Variants in MYCBP2 observed in about 807,000 individuals in gnomAD.
MYCBP2 encodes the protein E3 ubiquitin-protein ligase MYCBP2.
A neutral mutation model predicts 525.3 loss-of-function variants in MYCBP2; 120 were observed. The ratio of observed to expected loss-of-function variants is 0.23; its 90% CI spans 0.20 to 0.27. The LOEUF is 0.27. Ranked by LOEUF, MYCBP2 falls within the 10% of genes least tolerant of loss-of-function variation. MYCBP2 has a pLI of 1.00. For missense variants in MYCBP2, 4,149 were observed against 5,657.1 expected, an observed-to-expected ratio of 0.73 and a Z score of 8.55; for synonymous variants, 1,894 against 1,955.8, an observed-to-expected ratio of 0.97 and a Z score of 0.83.
chr13:77,090,381 C>A, intron 59 of MYCBP2, 118 bp from the exon 60 acceptor site: 1 of 721,506 alleles, frequency 1.4e-6, no homozygotes, highest in Non-Finnish European at 2.1e-6. Flanking sequence ...AAAATCAAAG[C>A]CAAATTGATA....
At chr13:77,161,089 G>T (rs1241209067) in intron 44 of MYCBP2, among the ~76,000 whole-genome samples, 3 of 152,094 alleles carry the variant, frequency 2.0e-5, no homozygotes, top group Non-Finnish European at 2.9e-5. Flanking sequence ...CTCAGTGTGT[G>T]GTATCCAATG....
At chr13:77,266,551 A>C (rs1020402703) in intron 8 of MYCBP2, among the ~76,000 whole-genome samples, 1 of 152,028 alleles carries the variant, frequency 6.6e-6, no homozygotes, top group African/African-American at 2.4e-5. Flanking sequence ...TAGTGTTTAT[A>C]TATGGGAAGT....
Position 77,168,657 on chromosome 13 carries a change from T to C in MYCBP2, c.5896-11A>G, listed in dbSNP as rs1251382802. 2 of 1,612,166 alleles carry C rather than the reference T, an allele frequency of 1.2e-6. No homozygotes were observed. The highest frequency in any genetic ancestry group is 2.7e-5 in the African/African-American group (2 of 74,890). ...GACTTCTACAGCCACCTAGTACACA[T>C]ATAAAAATATGGTTAAATGAGATAC... On this transcript the variant is annotated splice_polypyrimidine_tract_variant and intron_variant, in intron 39 of 82. Coordinates refer to ENST00000544440, the MANE Select transcript of MYCBP2 (RefSeq NM_015057.5).
chr13:77,044,916 A>C lies in MYCBP2; in HGVS notation c.*462T>G. 2.5e-6 allele frequency: 1 copy of C among 396,360 alleles called. No homozygotes were observed. The highest frequency in any genetic ancestry group is 4.4e-6 in the Non-Finnish European group (1 of 225,766). 24.6% of individuals were successfully genotyped at this position (396,360 alleles called of 1,614,324 possible). ...CTAACACAATGTTTTTTTTTTTTTT[A>C]AATAACAGTCTAGGAAATAAACCAG... is the stretch of plus-strand genomic sequence containing the variant. On this transcript the variant is annotated 3_prime_UTR_variant, in exon 83 of 83. Coordinates refer to ENST00000544440, the MANE Select transcript of MYCBP2 (RefSeq NM_015057.5).
At chr13:77,215,123 C>A (rs1047251773) in intron 21 of MYCBP2, among the ~76,000 whole-genome samples, 62 of 152,144 alleles carry the variant, frequency 4.1e-4, no homozygotes, top group Non-Finnish European at 3.1e-4. Flanking sequence ...CTTGAGTATA[C>A]AATTTTTGTA....
rs1204009187 is a variant in MYCBP2, at chr13:77,165,477, T to C, written c.6341-86A>G. On this transcript the variant is annotated intron_variant, in intron 41 of 82. Coordinates refer to ENST00000544440, the MANE Select transcript of MYCBP2 (RefSeq NM_015057.5). ...CTTTTATCCAATGGACTTTCTCTTT[T>C]ATCACAAGATAGGTAAAAACACAAA... 4 of 955,348 alleles carry C rather than the reference T, an allele frequency of 4.2e-6. No homozygotes were observed. In the African/African-American group the frequency reaches 5.0e-5, roughly 12 times the overall value. The allele number at this position is 955,348 out of a possible 1,614,324, so 59.2% of individuals were successfully genotyped here. A position where few individuals can be genotyped will look rare whatever the true frequency, so the allele number is the denominator to read the frequency against.
At chr13:77,204,648 C>T (rs1309482136) in intron 26 of MYCBP2, among the ~76,000 whole-genome samples, 9 of 129,658 alleles carry the variant, frequency 6.9e-5, no homozygotes, top group African/African-American at 2.3e-4. Flanking sequence ...GAAACCAACC[C>T]AAATGTCCAA....
In MYCBP2 at chr13:77,319,226, G is replaced by A. The variant is rs77822043; in HGVS notation, c.302+7248C>T. 1.3e-3 allele frequency among the ~76,000 whole-genome samples: 194 copies of A among 152,218 alleles called. 2 individuals are homozygous for A. In the East Asian group the frequency reaches 0.026, roughly 21 times the overall value. On this transcript the variant is annotated intron_variant, in intron 1 of 82. Transcript: ENST00000544440. The stretch of plus-strand genomic sequence containing the variant: ...GTTGGTTTGGTGATAGTCAGTAGGC[G>A]AGAGAGGAGGAGCTGGGGGTAAGAG...
At chr13:77,259,081 C>T (rs1347595245) in intron 13 of MYCBP2, among the ~76,000 whole-genome samples, 2 of 152,060 alleles carry the variant, frequency 1.3e-5, no homozygotes, top group South Asian at 2.1e-4. Flanking sequence ...ACAGTGAAAC[C>T]TCGTCTCTAC....
intron 43 of MYCBP2, 132 bp downstream of exon 43, chr13:77,164,319 TACA>T (rs2058290295): frequency 1.6e-6 from 1 of 631,232 alleles, no homozygotes; most frequent in African/African-American, 1.8e-5. Flanking sequence ...AAATTACCAG[TACA>T]TGAAGCAGTT....
In MYCBP2 at chr13:77,269,200, T is replaced by C. The variant is rs1028534759; in HGVS notation, c.1260+792A>G. 2.6e-5 allele frequency among the ~76,000 whole-genome samples: 4 copies of C among 152,222 alleles called. No individual in the cohort carries two copies. In the East Asian group the frequency reaches 7.7e-4, roughly 29 times the overall value. On this transcript the variant is annotated intron_variant, in intron 7 of 82. Coordinates refer to ENST00000544440, the MANE Select transcript of MYCBP2 (RefSeq NM_015057.5). ...CTTTTCTTTCTCTCTTGTGATTCTTTGCATATTCTTCATGCAGGTAGCTGT... is the reference window on the plus strand; with the variant it reads ...CTTTTCTTTCTCTCTTGTGATTCTTCGCATATTCTTCATGCAGGTAGCTGT...
In MYCBP2 at chr13:77,146,461, G is replaced by T. The variant is rs144565671; in HGVS notation, c.7132-244C>A. On this transcript the variant is annotated intron_variant, in intron 47 of 82. Transcript: ENST00000544440. Reference sequence around the variant, plus strand: ...AAGAAAAAAACAGATAACATCTTTTGAGTACATTAAAATTTTAAAGTTTTC... The same window carrying T: ...AAGAAAAAAACAGATAACATCTTTTTAGTACATTAAAATTTTAAAGTTTTC... Among the ~76,000 whole-genome samples the T allele has an allele frequency of 8.7e-4, 132 of 151,378 alleles. 3 individuals carry two copies. In the East Asian group the frequency reaches 0.025, roughly 28 times the overall value.
chr13:77,299,010 A>AT (rs35442398), intron 1 of MYCBP2, among the ~76,000 whole-genome samples: 87,592 of 151,966 alleles, frequency 0.58, 28,598 homozygotes, highest in Non-Finnish European at 0.74. Flanking sequence ...TCTTCATACT[A>AT]TTTAGGAAAC....
intron 20 of MYCBP2, among the ~76,000 whole-genome samples, chr13:77,218,354 T>G (rs1022545601): frequency 6.6e-6 from 1 of 152,156 alleles, no homozygotes; most frequent in African/African-American, 2.4e-5. Context: ...AGGAACTAGA[T>G]GAAATAATTT....
chr13:77,124,985 T>C (rs2051393258), intron 54 of MYCBP2, among the ~76,000 whole-genome samples: 2 of 152,182 alleles, frequency 1.3e-5, no homozygotes, highest in South Asian at 2.1e-4. Context: ...CTGAGATTGG[T>C]AGTTGGAATA....
Position 77,051,302 on chromosome 13 carries a change from T to G in MYCBP2, c.13756-140A>C, listed in dbSNP as rs545541332. On this transcript the variant is annotated intron_variant, in intron 81 of 82. Transcript: ENST00000544440. ...CTCTAAAAATTGATTGAAAAACTGA[T>G]GATACACATGTTTGAAAACTAACAA... is the stretch of plus-strand genomic sequence containing the variant. 2.5e-5 allele frequency: 17 copies of G among 681,594 alleles called. No homozygotes were observed. The African/African-American group carries it at 2.8e-4, about 11-fold the overall frequency. 42.2% of individuals were successfully genotyped at this position (681,594 alleles called of 1,614,324 possible).
chr13:77,279,059 T>A, intron 3 of MYCBP2, 148 bp from the exon 4 acceptor site: 3 of 460,524 alleles, frequency 6.5e-6, no homozygotes, highest in Non-Finnish European at 7.1e-6. Flanking sequence ...AAATGGCTTA[T>A]AACAATGAAC....
intron 21 of MYCBP2, among the ~76,000 whole-genome samples, chr13:77,216,458 T>C (rs1237398567): frequency 2.0e-5 from 3 of 152,192 alleles, no homozygotes; most frequent in Non-Finnish European, 4.4e-5. Flanking sequence ...AGGTTGCTTA[T>C]AGTTTCAAAG....
intron 5 of MYCBP2, among the ~76,000 whole-genome samples, chr13:77,271,669 T>C (rs1437559740): frequency 1.3e-5 from 2 of 152,184 alleles, no homozygotes; most frequent in Non-Finnish European, 2.9e-5. Flanking sequence ...CAAGCTCTCT[T>C]TGCCTGCTGC....
Sources: gnomAD v4.1 joint callset for allele counts (sites outside exome capture counted in the v4.1 genomes callset) on GRCh38, gnomAD v4.1.1 for gene constraint, MANE v1.5 for transcripts, NCBI Gene and HGNC (gene_info 2026-07-23, HGNC 2026-07-21) for gene names.